The following LHFPL3 variants were observed in gnomAD, a reference collection of about 807,000 sequenced individuals.
The protein encoded by LHFPL3 is LHFPL tetraspan subfamily member 3 protein.
In LHFPL3, 5 loss-of-function variants were observed where a neutral mutation model predicts 19.3. The ratio of observed to expected loss-of-function variants is 0.26; its 90% CI spans 0.14 to 0.54. The LOEUF is 0.54. Among genes scored for constraint, LHFPL3 ranks in the 20% least tolerant of loss-of-function variants. The pLI is 0.94. For synonymous variants in LHFPL3, 133 were observed against 126.2 expected, an observed-to-expected ratio of 1.05 and a Z score of -0.36; for missense variants, 249 against 307.4, an observed-to-expected ratio of 0.81 and a Z score of 1.42.
At chr7:104,873,568 C>T (rs547049482) in intron 2 of LHFPL3, among the ~76,000 whole-genome samples, 84 of 152,270 alleles carry the variant, frequency 5.5e-4, no homozygotes, top group African/African-American at 1.9e-3. Context: ...TTTGAGGTTA[C>T]AGCGAGCTAC....
intron 1 of LHFPL3, among the ~76,000 whole-genome samples, chr7:104,725,548 G>T (rs574336929): frequency 7.2e-5 from 11 of 151,994 alleles, no homozygotes; most frequent in Admixed American, 7.2e-4. Flanking sequence ...ATCCTGAGAG[G>T]TGTTTTTTTG....
intron 1 of LHFPL3, among the ~76,000 whole-genome samples, chr7:104,577,921 A>G (rs564084271): frequency 1.2e-4 from 18 of 152,328 alleles, no homozygotes; most frequent in South Asian, 2.1e-4. Context: ...CAACTATGGG[A>G]AAGTGAGAAA....
chr7:104,691,273 A>G (rs1415127444), intron 1 of LHFPL3, among the ~76,000 whole-genome samples: 2 of 152,236 alleles, frequency 1.3e-5, no homozygotes, highest in Non-Finnish European at 2.9e-5. Context: ...AGTAAGTTAC[A>G]TGAGGAAGTG....
At chr7:104,374,873 A>AATT (rs896451762) in intron 1 of LHFPL3, among the ~76,000 whole-genome samples, 1 of 152,180 alleles carries the variant, frequency 6.6e-6, no homozygotes, top group East Asian at 1.9e-4. Context: ...GCAAGCATGG[A>AATT]ATTATTATTT....
chr7:104,594,382 T>G (rs368186236), intron 1 of LHFPL3, among the ~76,000 whole-genome samples: 1 of 152,350 alleles, frequency 6.6e-6, no homozygotes, highest in East Asian at 1.9e-4. Context: ...TCTTCTGGCT[T>G]GTAGGGTTTC....
intron 1 of LHFPL3, among the ~76,000 whole-genome samples, chr7:104,455,256 G>A (rs747666426): frequency 2.0e-5 from 3 of 152,114 alleles, no homozygotes; most frequent in Admixed American, 6.6e-5. Flanking sequence ...TAATTGAATC[G>A]TGAAATGCTT....
chr7:104,518,083 G>C (rs1271372095), intron 1 of LHFPL3, among the ~76,000 whole-genome samples: 1 of 152,064 alleles, frequency 6.6e-6, no homozygotes, highest in Non-Finnish European at 1.5e-5. Flanking sequence ...AGTAGTATTA[G>C]TCTAGGCTTA....
chr7:104,537,063 C>G (rs995980556), intron 1 of LHFPL3, among the ~76,000 whole-genome samples: 1 of 152,114 alleles, frequency 6.6e-6, no homozygotes, highest in African/African-American at 2.4e-5. Flanking sequence ...ACTGCTGAAC[C>G]CTTGCAGCTT....
At chr7:104,365,728 C>A (rs1461077308) in intron 1 of LHFPL3, among the ~76,000 whole-genome samples, 1 of 141,210 alleles carries the variant, frequency 7.1e-6, no homozygotes, top group East Asian at 2.1e-4. Flanking sequence ...TTGCAGTGAG[C>A]CGAGATTGCG....
intron 1 of LHFPL3, among the ~76,000 whole-genome samples, chr7:104,414,647 T>C (rs1791588511): frequency 6.6e-6 from 1 of 152,250 alleles, no homozygotes; most frequent in Non-Finnish European, 1.5e-5. Context: ...CTAGAGTATC[T>C]GTTTATGCTG....
At chr7:104,756,152 G>GCA (rs961720479) in intron 2 of LHFPL3, among the ~76,000 whole-genome samples, 1 of 151,674 alleles carries the variant, frequency 6.6e-6, no homozygotes, top group Non-Finnish European at 1.5e-5. Flanking sequence ...ACACATGCGT[G>GCA]CACACACTCA....
intron 1 of LHFPL3, among the ~76,000 whole-genome samples, chr7:104,465,390 T>G (rs2115590409): frequency 6.6e-6 from 1 of 152,332 alleles, no homozygotes; most frequent in East Asian, 1.9e-4. Context: ...TGATTCCACA[T>G]TTTCGGGTAT....
At chr7:104,802,704 A>G (rs1326252022) in intron 2 of LHFPL3, 1 of 152,044 alleles carries the variant, frequency 6.6e-6, no homozygotes, top group African/African-American at 2.4e-5. Flanking sequence ...CTGGTATAGA[A>G]CCCAAGTAGA....
In LHFPL3 at chr7:104,626,423, A is replaced by G. The variant is rs376238558; in HGVS notation, c.446-110252A>G. The stretch of plus-strand genomic sequence containing the variant: ...CTGGTTTGCATTTAAGCACTTTAGC[A>G]TAATTACCTCCACTCCATGCTTCAT... On this transcript the variant is annotated intron_variant, in intron 1 of 2. Transcript: ENST00000424859. Among the ~76,000 whole-genome samples, 10 of 152,248 alleles carry G rather than the reference A, an allele frequency of 6.6e-5. No individual in the cohort carries two copies. The East Asian group carries it at 1.2e-3, about 18-fold the overall frequency.
chr7:104,409,156 G>A (rs1487313561), intron 1 of LHFPL3, among the ~76,000 whole-genome samples: 1 of 151,984 alleles, frequency 6.6e-6, no homozygotes, highest in Admixed American at 6.5e-5. Context: ...GATTAGAGGC[G>A]TGAGCCACGG....
At chr7:104,826,399 C>A in intron 2 of LHFPL3, 1 of 161,406 alleles carries the variant, frequency 6.2e-6, no homozygotes, top group South Asian at 1.8e-4. Context: ...CAGCGCAGTC[C>A]ATCCCACGCA....
chr7:104,869,832 G>C (rs1239710343), intron 2 of LHFPL3, among the ~76,000 whole-genome samples: 3 of 152,140 alleles, frequency 2.0e-5, no homozygotes, highest in Non-Finnish European at 4.4e-5. Flanking sequence ...CAAAGACTTG[G>C]AACCAACCCA....
intron 2 of LHFPL3, among the ~76,000 whole-genome samples, chr7:104,850,597 C>T (rs574363439): frequency 6.6e-6 from 1 of 152,322 alleles, no homozygotes; most frequent in Non-Finnish European, 1.5e-5. Context: ...ACCTGACTGA[C>T]ATGAAACTAA....
intron 2 of LHFPL3, chr7:104,786,724 G>GTGTACGCA: frequency 8.1e-6 from 1 of 122,736 alleles, no homozygotes; most frequent in Non-Finnish European, 1.7e-5. Context: ...GTGTGTACGT[G>GTGTACGCA]CTATATAAAA....
Sources: allele counts gnomAD v4.1 joint callset (sites outside exome capture counted in the v4.1 genomes callset), GRCh38; gene constraint gnomAD v4.1.1; transcripts MANE v1.5; gene names NCBI Gene and HGNC (gene_info 2026-07-23, HGNC 2026-07-21).